The following SLC26A4 variants were observed in gnomAD, a reference collection of about 807,000 sequenced individuals.
SLC26A4 encodes pendrin.
SLC26A4 carries 93 observed loss-of-function variants against 90.4 expected under a neutral mutation model. The observed-to-expected ratio is 1.03, with a 90% CI of 0.87 to 1.22. SLC26A4 has a LOEUF of 1.22. SLC26A4 is among the 50% of genes most tolerant of loss of function. The pLI, the probability that SLC26A4 is intolerant of heterozygous loss-of-function variation, is 0.00. For synonymous variants in SLC26A4, 393 were observed against 354.6 expected, an observed-to-expected ratio of 1.11 and a Z score of -1.22; for missense variants, 1,127 against 946.2, an observed-to-expected ratio of 1.19 and a Z score of -2.51.
At chr7:107,699,593 G>C (rs1332574409) in intron 14 of SLC26A4, among the ~76,000 whole-genome samples, 2 of 152,110 alleles carry the variant, frequency 1.3e-5, no homozygotes, top group African/African-American at 4.8e-5. Context: ...TGAGACTGTA[G>C]AGGTCCAAGA....
intron 10 of SLC26A4, among the ~76,000 whole-genome samples, chr7:107,694,042 G>C (rs928349125): frequency 6.6e-6 from 1 of 152,136 alleles, no homozygotes; most frequent in South Asian, 2.1e-4. Context: ...GTTGGGAAAG[G>C]GGGGATTGGT....
chr7:107,693,671 T>C, intron 10 of SLC26A4: 1 of 991,780 alleles, frequency 1.0e-6, no homozygotes, highest in Non-Finnish European at 1.2e-6. Flanking sequence ...AGTATGGATC[T>C]TAGGAGAGCT....
intron 8 of SLC26A4, among the ~76,000 whole-genome samples, chr7:107,685,996 C>A (rs1454434130): frequency 6.6e-6 from 1 of 151,918 alleles, no homozygotes. Context: ...TCCAGAGGTC[C>A]CCTTGTTGTC....
intron 18 of SLC26A4, 58 bp downstream of exon 18, chr7:107,704,443 A>C (rs902097947): frequency 2.6e-6 from 2 of 772,168 alleles, no homozygotes; most frequent in Middle Eastern, 2.2e-4. Context: ...CCTTTCTCCT[A>C]TCTGGGACTG....
chr7:107,691,508 T>TACACACACACACAC lies in SLC26A4; in HGVS notation c.1263+1272_1263+1273insCACACACACACACA, dbSNP rs1562833956. 1.5e-4 allele frequency among the ~76,000 whole-genome samples: 8 copies of TACACACACACACAC among 54,074 alleles called. 1 individual carries two copies. In the Admixed American group the frequency reaches 1.9e-3, roughly 13 times the overall value. 35.5% of individuals were successfully genotyped at this position (54,074 alleles called of 152,430 possible). A position where few individuals can be genotyped will look rare whatever the true frequency, so the allele number is the denominator to read the frequency against. On this transcript the variant is annotated intron_variant, in intron 10 of 20. Transcript: ENST00000644269. ...CAAGAGCTAGACTCTGTGTCAAATA[T>TACACACACACACAC]ATATATACACACACACACACACACA...
intron 4 of SLC26A4, among the ~76,000 whole-genome samples, chr7:107,672,956 G>A (rs1259115150): frequency 1.3e-5 from 2 of 152,162 alleles, no homozygotes; most frequent in Admixed American, 6.5e-5. Flanking sequence ...TGTCTACCTC[G>A]ATGATCCTCT....
chr7:107,694,499 G>A lies in SLC26A4; in HGVS notation c.1341+19G>A. The A allele has an allele frequency of 1.3e-6, 2 of 1,594,200 alleles. No homozygotes were observed. Among genetic ancestry groups the A allele is most frequent in the Non-Finnish European group, 1.7e-6 (2 of 1,161,972 alleles). On this transcript the variant is annotated intron_variant, in intron 11 of 20. Transcript: ENST00000644269. Reference sequence around the variant, plus strand: ...GCAGAAGGTATAACCCTGCTTCTCTGCATACCGATTGCATAATTTCCCTTC... The same window carrying A: ...GCAGAAGGTATAACCCTGCTTCTCTACATACCGATTGCATAATTTCCCTTC...
chr7:107,704,486 T>C, intron 18 of SLC26A4, 101 bp downstream of exon 18: 1 of 634,858 alleles, frequency 1.6e-6, no homozygotes, highest in Non-Finnish European at 2.9e-6. Context: ...CTTTTTTTTT[T>C]TTCTTTTAAA....
chr7:107,715,515 C>T lies in SLC26A4; in HGVS notation c.*69C>T. The T allele has an allele frequency of 1.8e-6, 2 of 1,120,240 alleles. No homozygotes were observed. Among genetic ancestry groups the T allele is most frequent in the Non-Finnish European group, 2.7e-6 (2 of 728,770 alleles). 69.4% of individuals were successfully genotyped at this position (1,120,240 alleles called of 1,614,324 possible). ...AACTTCCTCAATGCATTGACTATTTCTTCAGACTCAAAACACTCATTCTTT... is the reference window on the plus strand; with the variant it reads ...AACTTCCTCAATGCATTGACTATTTTTTCAGACTCAAAACACTCATTCTTT... On this transcript the variant is annotated 3_prime_UTR_variant, in exon 21 of 21. Transcript: ENST00000644269.
intron 15 of SLC26A4, 144 bp downstream of exon 15, chr7:107,700,319 C>A: frequency 1.6e-6 from 1 of 629,692 alleles, no homozygotes; most frequent in Non-Finnish European, 2.8e-6. Context: ...AATATAACAT[C>A]CTTGCCTTCA....
intron 10 of SLC26A4, chr7:107,692,152 C>T: frequency 1.8e-6 from 2 of 1,137,822 alleles, no homozygotes; most frequent in East Asian, 6.6e-5. Flanking sequence ...AGCTAATACC[C>T]CCTGCCACAT....
At position 107,704,806 on chromosome 7, in the gene SLC26A4, T is replaced by C. The variant is rs150994499; in HGVS notation, c.2089+421T>C. ...TGCCAACTGGAAATTTAAACTGTCC[T>C]GTTTTAGGAAATTTGCTATTACCTC... On this transcript the variant is annotated intron_variant, in intron 18 of 20. Transcript: ENST00000644269. Among the ~76,000 whole-genome samples, 1,335 of 152,330 alleles carry C rather than the reference T, an allele frequency of 8.8e-3. 14 individuals are homozygous for C. Among genetic ancestry groups the C allele is most frequent in the South Asian group, 0.037 (178 of 4,822 alleles).
intron 2 of SLC26A4, among the ~76,000 whole-genome samples, chr7:107,662,533 T>C (rs2129308965): frequency 6.6e-6 from 1 of 150,816 alleles, no homozygotes; most frequent in East Asian, 2.0e-4. Flanking sequence ...TATCTACACC[T>C]ACTTGCTCCC....
At chr7:107,700,362 A>T (rs1282193326) in intron 15 of SLC26A4, among the ~76,000 whole-genome samples, 187 bp downstream of exon 15, 1 of 152,244 alleles carries the variant, frequency 6.6e-6, no homozygotes, top group Non-Finnish European at 1.5e-5. Flanking sequence ...GATTAAAAAA[A>T]CACATATGTT....
At chr7:107,677,395 G>A (rs184112711) in intron 6 of SLC26A4, among the ~76,000 whole-genome samples, 11 of 152,134 alleles carry the variant, frequency 7.2e-5, no homozygotes, top group East Asian at 1.9e-4. Flanking sequence ...AAGAAAATAC[G>A]TGTAAGGCAC....
chr7:107,680,539 A>G (rs1191058407), intron 6 of SLC26A4, among the ~76,000 whole-genome samples: 1 of 149,414 alleles, frequency 6.7e-6, no homozygotes, highest in Non-Finnish European at 1.5e-5. Flanking sequence ...TGCAGTTTAC[A>G]TGGTGAGTTT....
rs1562826929 is a variant in SLC26A4 at position 107,679,945 on chromosome 7, A to ATATTATTATATTC, written c.766-3256_766-3255insATTATTATATTCT. Among the ~76,000 whole-genome samples, 51 of 138,434 alleles carry ATATTATTATATTC rather than the reference A, an allele frequency of 3.7e-4. 4 individuals carry two copies. The highest frequency in any genetic ancestry group is 1.2e-3 in the African/African-American group (45 of 37,572). The allele number at this position is 138,434 out of a possible 152,430, so 90.8% of individuals were successfully genotyped here. A position where few individuals can be genotyped will look rare whatever the true frequency, so the allele number is the denominator to read the frequency against. ...TAATATAATCTTATTATATAATCTT[A>ATATTATTATATTC]TCTTATATAATATAATCTTATTATA... is the stretch of plus-strand genomic sequence containing the variant. On this transcript the variant is annotated intron_variant, in intron 6 of 20. Transcript: ENST00000644269.
At chr7:107,707,927 C>T (rs7781603) in intron 18 of SLC26A4, among the ~76,000 whole-genome samples, 1 of 151,914 alleles carries the variant, frequency 6.6e-6, no homozygotes, top group South Asian at 2.1e-4. Context: ...TGATCAAAAT[C>T]GGATCATAGG....
At chr7:107,692,000 A>G in intron 10 of SLC26A4, 1 of 1,289,150 alleles carries the variant, frequency 7.8e-7, no homozygotes, top group Non-Finnish European at 1.0e-6. Flanking sequence ...CAGCGGGTGC[A>G]GGCAAATCTC....
Sources: gnomAD v4.1 joint callset for allele counts (sites outside exome capture counted in the v4.1 genomes callset) on GRCh38, gnomAD v4.1.1 for gene constraint, MANE v1.5 for transcripts, NCBI Gene and HGNC (gene_info 2026-07-23, HGNC 2026-07-21) for gene names.